The following SHC3 variants were observed in gnomAD, a reference collection of about 807,000 sequenced individuals.
SHC3 encodes the protein SHC-transforming protein 3.
In SHC3, 15 loss-of-function variants were observed where a neutral mutation model predicts 60.4. The observed-to-expected ratio is 0.25, with a 90% CI of 0.17 to 0.38. The LOEUF (loss-of-function observed/expected upper bound fraction) is 0.38, where lower values mean the gene tolerates loss of function less well. SHC3 is among the 10% of genes least tolerant of loss of function. The probability of loss-of-function intolerance (pLI) is 1.00; values close to 1 mark genes in which losing one functional copy is unlikely to be tolerated. For missense variants in SHC3, 677 were observed against 786.1 expected (o/e 0.86, Z 1.66); for synonymous variants, 294 against 325.9 (o/e 0.90, Z 1.05).
At chr9:89,042,288 T>A in intron 9 of SHC3, 104 bp from the exon 10 acceptor site, 1 of 1,214,864 alleles carries the variant, frequency 8.2e-7, no homozygotes. Context: ...GGAAACCTCC[T>A]CCTTCGGATT....
chr9:89,093,723 G>A (rs1825659732), intron 2 of SHC3, among the ~76,000 whole-genome samples: 1 of 152,110 alleles, frequency 6.6e-6, no homozygotes, highest in Non-Finnish European at 1.5e-5. Flanking sequence ...TGGGGAACAG[G>A]GGCTTTCTTT....
intron 1 of SHC3, among the ~76,000 whole-genome samples, chr9:89,131,718 C>A (rs933490285): frequency 1.3e-5 from 2 of 152,082 alleles, no homozygotes; most frequent in Non-Finnish European, 2.9e-5. Context: ...GCGCTTCATG[C>A]CAAAAACTCT....
intron 2 of SHC3, chr9:89,109,180 C>T (rs1587732116): frequency 6.3e-6 from 6 of 952,794 alleles, no homozygotes; most frequent in Non-Finnish European, 7.5e-6. Context: ...CTTAATACTG[C>T]ACAATATGCA....
At chr9:89,158,701 C>T (rs186140685) in intron 1 of SHC3, among the ~76,000 whole-genome samples, 14 of 152,318 alleles carry the variant, frequency 9.2e-5, no homozygotes, top group African/African-American at 3.1e-4. Flanking sequence ...GCTTCTGTTA[C>T]AAGGATGGGT....
chr9:89,143,110 A>C (rs188164811), intron 1 of SHC3, among the ~76,000 whole-genome samples: 9 of 152,286 alleles, frequency 5.9e-5, no homozygotes, highest in Admixed American at 5.2e-4. Flanking sequence ...TAATAAGAGA[A>C]TGGCTACTCC....
chr9:89,091,144 T>C (rs1587721675), intron 2 of SHC3, among the ~76,000 whole-genome samples: 1 of 152,258 alleles, frequency 6.6e-6, no homozygotes, highest in Non-Finnish European at 1.5e-5. Context: ...GTCATCCTAA[T>C]TGATATCTTT....
At chr9:89,087,393 C>T (rs1055832444) in intron 2 of SHC3, among the ~76,000 whole-genome samples, 1 of 152,098 alleles carries the variant, frequency 6.6e-6, no homozygotes, top group Non-Finnish European at 1.5e-5. Context: ...CAAATCAGAA[C>T]GAATCAGAAC....
At chr9:89,087,485 G>A (rs1164302436) in intron 2 of SHC3, among the ~76,000 whole-genome samples, 1 of 152,186 alleles carries the variant, frequency 6.6e-6, no homozygotes, top group Admixed American at 6.5e-5. Context: ...GCCTGCAGGG[G>A]GACGAGGTCC....
intron 6 of SHC3, among the ~76,000 whole-genome samples, chr9:89,057,315 C>CTTTTTTT (rs10606274): frequency 2.2e-5 from 3 of 133,748 alleles, no homozygotes; most frequent in Non-Finnish European, 4.8e-5. Context: ...TTTCCTTTTT[C>CTTTTTTT]TTTTTTTTTT....
intron 1 of SHC3, among the ~76,000 whole-genome samples, chr9:89,165,043 T>C (rs1587765457): frequency 6.6e-6 from 1 of 152,226 alleles, no homozygotes; most frequent in East Asian, 1.9e-4. Context: ...TCTACCTGTC[T>C]AACAATAGGG....
intron 1 of SHC3, among the ~76,000 whole-genome samples, chr9:89,152,356 A>G (rs1014209454): frequency 2.6e-5 from 4 of 152,238 alleles, no homozygotes; most frequent in African/African-American, 9.6e-5. Flanking sequence ...AGGTCAAATG[A>G]AATCAATTTA....
intron 1 of SHC3, among the ~76,000 whole-genome samples, chr9:89,145,257 A>G (rs1156771229): frequency 6.6e-6 from 1 of 152,266 alleles, no homozygotes; most frequent in Non-Finnish European, 1.5e-5. Context: ...TGCATACATC[A>G]GAGGACTGAC....
chr9:89,102,875 T>C (rs1825802969), intron 2 of SHC3, among the ~76,000 whole-genome samples: 1 of 152,210 alleles, frequency 6.6e-6, no homozygotes, highest in African/African-American at 2.4e-5. Context: ...AAAAGTTCAA[T>C]ATGATGTGCA....
intron 5 of SHC3, among the ~76,000 whole-genome samples, chr9:89,069,113 G>A (rs1825229687): frequency 6.6e-6 from 1 of 152,178 alleles, no homozygotes; most frequent in Non-Finnish European, 1.5e-5. Context: ...TTTGAGACCA[G>A]CCTGGGCAAT....
chr9:89,076,111 C>T (rs780888995), intron 3 of SHC3, among the ~76,000 whole-genome samples: 4 of 152,116 alleles, frequency 2.6e-5, no homozygotes, highest in Admixed American at 2.0e-4. Context: ...AAACGGGCAT[C>T]GTTTCCACCA....
intron 2 of SHC3, among the ~76,000 whole-genome samples, chr9:89,096,131 C>A (rs1825697547): frequency 6.6e-6 from 1 of 152,198 alleles, no homozygotes; most frequent in African/African-American, 2.4e-5. Flanking sequence ...CTTCAACTAC[C>A]CGCACAAACG....
chr9:89,154,190 T>C (rs563257691), intron 1 of SHC3, among the ~76,000 whole-genome samples: 2 of 151,536 alleles, frequency 1.3e-5, no homozygotes, highest in Admixed American at 6.6e-5. Flanking sequence ...TGAGATTTTT[T>C]TGTGTGTGAT....
intron 1 of SHC3, among the ~76,000 whole-genome samples, chr9:89,169,179 G>GA (rs2118263147): frequency 6.6e-6 from 1 of 152,288 alleles, no homozygotes; most frequent in South Asian, 2.1e-4. Flanking sequence ...CCCATTTCCA[G>GA]AAGGCTCCTC....
intron 1 of SHC3, among the ~76,000 whole-genome samples, chr9:89,153,800 G>A (rs964197318): frequency 5.9e-5 from 9 of 152,214 alleles, no homozygotes; most frequent in Non-Finnish European, 1.5e-5. Flanking sequence ...GACTAAAGGC[G>A]AGGTTGGCCC....
Sources: allele counts gnomAD v4.1 joint callset (sites outside exome capture counted in the v4.1 genomes callset), GRCh38; gene constraint gnomAD v4.1.1; transcripts MANE v1.5; gene names NCBI Gene and HGNC (gene_info 2026-07-23, HGNC 2026-07-21).